The following SLC71A2 variants were observed in gnomAD, a reference collection of about 807,000 sequenced individuals.
The protein encoded by SLC71A2 is hippocampus abundant transcript-like 1.
the SLC71A2 span, among the ~76,000 whole-genome samples, chr9:94,437,000 A>G: frequency 6.6e-6 from 1 of 151,698 alleles, no homozygotes; most frequent in Non-Finnish European, 1.5e-5. Context: ...CTGAAATTAT[A>G]ATAGAAGAGC....
At chr9:94,455,156 C>CTTTTTTTTTTTTTTT in the SLC71A2 span, among the ~76,000 whole-genome samples, 5 of 27,684 alleles carry the variant, frequency 1.8e-4, no homozygotes, top group African/African-American at 5.2e-4. Context: ...TTGCTCTTTC[C>CTTTTTTTTTTTTTTT]TTTTTTTTTT....
the SLC71A2 span, among the ~76,000 whole-genome samples, chr9:94,448,982 AT>A: frequency 6.6e-6 from 1 of 152,156 alleles, no homozygotes; most frequent in South Asian, 2.1e-4. Context: ...TATGCTAGAG[AT>A]TTAGAGGGAA....
chr9:94,420,345 G>T, the SLC71A2 span, among the ~76,000 whole-genome samples: 1 of 152,178 alleles, frequency 6.6e-6, no homozygotes, highest in Admixed American at 6.6e-5. Context: ...GATACCCACA[G>T]AGCTGGGATT....
the SLC71A2 span, among the ~76,000 whole-genome samples, chr9:94,437,214 T>C: frequency 7.1e-6 from 1 of 141,718 alleles, no homozygotes. Flanking sequence ...GTGTCCTATT[T>C]ATGTGATGTG....
At chr9:94,395,348 C>G in the SLC71A2 span, among the ~76,000 whole-genome samples, 2 of 151,944 alleles carry the variant, frequency 1.3e-5, no homozygotes, top group Admixed American at 6.6e-5. Flanking sequence ...TTAACTTGCT[C>G]ATAAAAATAA....
At chr9:94,448,094 T>A in the SLC71A2 span, among the ~76,000 whole-genome samples, 45 of 121,410 alleles carry the variant, frequency 3.7e-4, no homozygotes, top group African/African-American at 1.4e-3. Context: ...AACATTCATG[T>A]ACTGTAATGT....
the SLC71A2 span, among the ~76,000 whole-genome samples, chr9:94,438,816 G>A: frequency 1.3e-5 from 2 of 152,152 alleles, no homozygotes; most frequent in Non-Finnish European, 2.9e-5. Flanking sequence ...TGTCAGGTAT[G>A]GGAGTTTAAC....
chr9:94,448,026 C>CATTATTTAAAG, the SLC71A2 span, among the ~76,000 whole-genome samples: 1 of 152,152 alleles, frequency 6.6e-6, no homozygotes, highest in South Asian at 2.1e-4. Flanking sequence ...ATCCATTCAC[C>CATTATTTAAAG]CACTGAACGA....
the SLC71A2 span, among the ~76,000 whole-genome samples, chr9:94,376,639 G>T: frequency 6.5e-5 from 8 of 122,994 alleles, no homozygotes; most frequent in Admixed American, 6.6e-4. Context: ...ATTAATAATG[G>T]CATTTACCTC....
the SLC71A2 span, among the ~76,000 whole-genome samples, chr9:94,434,319 T>C: frequency 6.6e-6 from 1 of 152,194 alleles, no homozygotes; most frequent in Non-Finnish European, 1.5e-5. Flanking sequence ...TCAAGACTTG[T>C]CTTTTTTATT....
chr9:94,441,485 A>T, the SLC71A2 span, among the ~76,000 whole-genome samples: 8 of 152,238 alleles, frequency 5.3e-5, no homozygotes, highest in Non-Finnish European at 1.2e-4. Flanking sequence ...GCCATTCATG[A>T]GAAACTACCC....
the SLC71A2 span, among the ~76,000 whole-genome samples, chr9:94,422,635 A>G: frequency 6.6e-6 from 1 of 152,076 alleles, no homozygotes; most frequent in African/African-American, 2.4e-5. Context: ...CCATGTCTTC[A>G]CCAGCAATTT....
At chr9:94,416,795 A>G in the SLC71A2 span, among the ~76,000 whole-genome samples, 1 of 151,822 alleles carries the variant, frequency 6.6e-6, no homozygotes, top group Non-Finnish European at 1.5e-5. Flanking sequence ...TGGAGGTTGC[A>G]GTGAGCTGAG....
the SLC71A2 span, among the ~76,000 whole-genome samples, chr9:94,387,032 A>G: frequency 6.0e-3 from 907 of 151,992 alleles, 7 homozygotes; most frequent in African/African-American, 0.02. Flanking sequence ...CAATATGAAT[A>G]TTACTATTTT....
chr9:94,459,249 G>T, the SLC71A2 span: 1 of 1,614,148 alleles, frequency 6.2e-7, no homozygotes, highest in Non-Finnish European at 8.5e-7. Context: ...CCTGAATACA[G>T]TAAAGCCAGT....
chr9:94,457,588 G>C, the SLC71A2 span, among the ~76,000 whole-genome samples: 37 of 152,288 alleles, frequency 2.4e-4, no homozygotes, highest in Non-Finnish European at 2.9e-5. Context: ...GGGAGGTGCT[G>C]TGTCTGAAGT....
At chr9:94,445,036 G>T in the SLC71A2 span, 1 of 1,614,170 alleles carries the variant, frequency 6.2e-7, no homozygotes, top group Admixed American at 1.7e-5. Flanking sequence ...CAGTTACGGA[G>T]ACAGCCTCGT....
the SLC71A2 span, among the ~76,000 whole-genome samples, chr9:94,378,754 G>A: frequency 6.6e-6 from 1 of 152,006 alleles, no homozygotes; most frequent in African/African-American, 2.4e-5. Context: ...CCAACACTGG[G>A]GGTCACATTT....
chr9:94,379,138 G>A, the SLC71A2 span, among the ~76,000 whole-genome samples: 1 of 146,598 alleles, frequency 6.8e-6, no homozygotes, highest in Admixed American at 6.8e-5. Flanking sequence ...CCAGGCTGGA[G>A]TGCAATGGTG....
Sources: allele counts gnomAD v4.1 joint callset (sites outside exome capture counted in the v4.1 genomes callset), GRCh38; gene constraint gnomAD v4.1.1; transcripts MANE v1.5; gene names NCBI Gene and HGNC (gene_info 2026-07-23, HGNC 2026-07-21).